Variants in CTNNA2 observed in about 807,000 individuals in gnomAD.
The protein encoded by CTNNA2 is catenin alpha 2.
In CTNNA2, 42 loss-of-function variants were observed where a neutral mutation model predicts 101.0. The observed-to-expected ratio is 0.42, with a 90% CI of 0.32 to 0.54. CTNNA2 has a LOEUF of 0.54. CTNNA2 is among the 20% of genes least tolerant of loss of function. The pLI, the probability that CTNNA2 is intolerant of heterozygous loss-of-function variation, is 0.14. For missense variants in CTNNA2, 871 were observed against 1,223.1 expected (o/e 0.71, Z 4.29); for synonymous variants, 450 against 456.4 (o/e 0.99, Z 0.18).
At chr2:80,625,733 A>G (rs546897305) in intron 18 of CTNNA2, among the ~76,000 whole-genome samples, 11 of 152,186 alleles carry the variant, frequency 7.2e-5, no homozygotes, top group Admixed American at 1.3e-4. Context: ...AAAAGTCCCA[A>G]TAATTGATTT....
intron 12 of CTNNA2, among the ~76,000 whole-genome samples, chr2:80,560,054 CAAAAAA>C (rs70940085): frequency 1.8e-5 from 1 of 55,040 alleles, no homozygotes; most frequent in Non-Finnish European, 3.7e-5. Flanking sequence ...AACAATAGAC[CAAAAAA>C]AAAAAAAAAA....
intron 3 of CTNNA2, among the ~76,000 whole-genome samples, chr2:79,321,991 C>A (rs1451631808): frequency 1.3e-5 from 2 of 152,180 alleles, no homozygotes; most frequent in African/African-American, 2.4e-5. Context: ...CATTTGAAGT[C>A]CATGCCTTTA....
chr2:80,490,724 A>G (rs1467646089), intron 9 of CTNNA2, among the ~76,000 whole-genome samples: 1 of 152,182 alleles, frequency 6.6e-6, no homozygotes, highest in Non-Finnish European at 1.5e-5. Context: ...TGATTTTTTT[A>G]AAGGACAGAA....
intron 2 of CTNNA2, among the ~76,000 whole-genome samples, chr2:79,237,762 C>G (rs1375128302): frequency 6.6e-6 from 1 of 152,180 alleles, no homozygotes; most frequent in South Asian, 2.1e-4. Context: ...ATGTACCAAC[C>G]TCTGCTAGCT....
At chr2:79,905,737 G>A (rs1008213304) in intron 6 of CTNNA2, among the ~76,000 whole-genome samples, 4 of 152,146 alleles carry the variant, frequency 2.6e-5, no homozygotes, top group African/African-American at 9.7e-5. Flanking sequence ...GCCTGTTAGA[G>A]CCCTGTGTTC....
chr2:80,503,479 G>T (rs1688035483), intron 9 of CTNNA2, among the ~76,000 whole-genome samples: 1 of 152,104 alleles, frequency 6.6e-6, no homozygotes. Context: ...TATACCAACT[G>T]GACCTAATTC....
chr2:79,835,275 C>A (rs980067753), intron 3 of CTNNA2, among the ~76,000 whole-genome samples: 1 of 152,078 alleles, frequency 6.6e-6, no homozygotes, highest in African/African-American at 2.4e-5. Flanking sequence ...CTTTTGTATA[C>A]TGAGTCCATA....
At chr2:80,402,706 G>C (rs1220005376) in intron 8 of CTNNA2, among the ~76,000 whole-genome samples, 1 of 150,166 alleles carries the variant, frequency 6.7e-6, no homozygotes, top group Non-Finnish European at 1.5e-5. Flanking sequence ...CTGAACGAGG[G>C]GTTCAGGAAC....
intron 3 of CTNNA2, among the ~76,000 whole-genome samples, chr2:79,856,917 C>T (rs921973709): frequency 6.6e-6 from 1 of 152,174 alleles, no homozygotes; most frequent in African/African-American, 2.4e-5. Flanking sequence ...TGGTCTTTTT[C>T]CCCTCCAGTT....
chr2:79,819,738 C>A (rs1677858379), intron 3 of CTNNA2, among the ~76,000 whole-genome samples: 1 of 151,656 alleles, frequency 6.6e-6, no homozygotes, highest in South Asian at 2.1e-4. Context: ...CACAATAGGG[C>A]AACTATAGTT....
intron 3 of CTNNA2, among the ~76,000 whole-genome samples, chr2:79,834,705 A>T (rs545915873): frequency 1.4e-4 from 21 of 151,948 alleles, no homozygotes; most frequent in Non-Finnish European, 2.6e-4. Flanking sequence ...TTGTTGTATA[A>T]ATTTTTCTTA....
Position 80,555,720 on chromosome 2 carries a change from A to T in CTNNA2, c.1568A>T (p.Lys523Met). ...AATCACATCTTGGAGGATGTGAACA[A>T]GTGTGTGATAGCCCTCCAAGAGGGC... The part of the protein sequence containing the change: ...SENHILEDVN[K>M]CVIALQEGDV... Residue 523 changes from lysine to methionine, a missense_variant, in exon 12 of 19, where the codon AAG (lysine) becomes ATG (methionine). By Grantham distance (95) the Lys-to-Met change is moderately conservative. Around this residue, in one of 5 missense-constraint regions of CTNNA2, gnomAD observed 647 missense variants for 831.5 expected, o/e 0.78. Coordinates refer to ENST00000402739, the MANE Select transcript of CTNNA2 (RefSeq NM_001282597.3). 6.4e-7 allele frequency: 1 copy of T among 1,561,692 alleles called. No individual in the cohort carries two copies. The highest frequency in any genetic ancestry group is 8.7e-7 in the Non-Finnish European group (1 of 1,153,512).
rs74838974 is a variant in CTNNA2 at position 79,603,661 on chromosome 2, C to T, written c.-5-47891C>T. On this transcript the variant is annotated intron_variant, in intron 1 of 18. Transcript: ENST00000402739. ...ATATTAAACTAACTGATAATTAGAG[C>T]GTCATACGTATCATAAGACTGATAG... 8.1e-3 allele frequency among the ~76,000 whole-genome samples: 1,235 copies of T among 152,196 alleles called. 14 individuals are homozygous for T. Among genetic ancestry groups the T allele is most frequent in the African/African-American group, 0.028 (1,182 of 41,512 alleles).
At chr2:79,770,897 C>G (rs1673523508) in intron 3 of CTNNA2, among the ~76,000 whole-genome samples, 1 of 152,164 alleles carries the variant, frequency 6.6e-6, no homozygotes. Flanking sequence ...TGTATAGCAT[C>G]TAGCTTTCTA....
chr2:80,406,561 T>A (rs2149387322), intron 8 of CTNNA2, among the ~76,000 whole-genome samples: 1 of 152,186 alleles, frequency 6.6e-6, no homozygotes, highest in South Asian at 2.1e-4. Context: ...GCGTGGTGGC[T>A]CACGCCTGTA....
At chr2:80,179,326 C>A (rs1705605653) in intron 7 of CTNNA2, among the ~76,000 whole-genome samples, 1 of 152,172 alleles carries the variant, frequency 6.6e-6, no homozygotes, top group African/African-American at 2.4e-5. Context: ...GAGAGATGAA[C>A]AGGAATGTGG....
At chr2:80,622,377 C>T (rs1481275666) in intron 18 of CTNNA2, among the ~76,000 whole-genome samples, 1 of 151,880 alleles carries the variant, frequency 6.6e-6, no homozygotes, top group Non-Finnish European at 1.5e-5. Flanking sequence ...AAGAGATCAT[C>T]ATTTGGGGGT....
At chr2:80,327,524 T>G (rs995842049) in intron 7 of CTNNA2, among the ~76,000 whole-genome samples, 5 of 137,018 alleles carry the variant, frequency 3.6e-5, no homozygotes, top group African/African-American at 1.5e-4. Flanking sequence ...ATACCTCTTA[T>G]TTAAGACAAA....
intron 7 of CTNNA2, among the ~76,000 whole-genome samples, chr2:80,078,245 T>C (rs1045679358): frequency 9.2e-5 from 14 of 152,170 alleles, no homozygotes; most frequent in African/African-American, 3.1e-4. Flanking sequence ...TTGAAAATGG[T>C]TGCAGAACCA....
Sources: allele counts gnomAD v4.1 joint callset (sites outside exome capture counted in the v4.1 genomes callset), GRCh38; gene constraint gnomAD v4.1.1; regional missense constraint gnomAD v4.1.1; transcripts MANE v1.5; gene names NCBI Gene and HGNC (gene_info 2026-07-23, HGNC 2026-07-21).